The following NIPBL variants were observed in gnomAD, a reference collection of about 807,000 sequenced individuals.
The protein encoded by NIPBL is nipped-B-like protein.
A neutral mutation model predicts 321.8 loss-of-function variants in NIPBL; 19 were observed. The ratio of observed to expected loss-of-function variants is 0.06; its 90% CI spans 0.04 to 0.09. The LOEUF (loss-of-function observed/expected upper bound fraction) is 0.09, where lower values mean the gene tolerates loss of function less well. Ranked by LOEUF, NIPBL falls within the 10% of genes least tolerant of loss-of-function variation. The probability of loss-of-function intolerance (pLI) is 1.00; values close to 1 mark genes in which losing one functional copy is unlikely to be tolerated. For missense variants in NIPBL, 2,210 were observed against 3,327.0 expected (o/e 0.66, Z 8.26); for synonymous variants, 1,106 against 1,114.1 (o/e 0.99, Z 0.14).
At chr5:36,975,525 A>G (rs752664063) in intron 8 of NIPBL, among the ~76,000 whole-genome samples, 1 of 152,110 alleles carries the variant, frequency 6.6e-6, no homozygotes, top group African/African-American at 2.4e-5. Context: ...TAGAAATAAT[A>G]CTGGTCTGAA....
At chr5:37,003,901 T>C (rs1482134582) in intron 16 of NIPBL, among the ~76,000 whole-genome samples, 6 of 152,216 alleles carry the variant, frequency 3.9e-5, no homozygotes, top group Non-Finnish European at 7.4e-5. Flanking sequence ...TAGTTTATGC[T>C]CTTCCTTATG....
rs749926228 is a variant in NIPBL at position 36,986,106 on chromosome 5, A to G, written c.2926A>G (p.Met976Val). The G allele has an allele frequency of 2.2e-5, 35 of 1,613,976 alleles. No individual in the cohort carries two copies. Among genetic ancestry groups the G allele is most frequent in the Admixed American group, 6.7e-5 (4 of 59,966 alleles). ...DGNVTQETKK[M>V]EMKGEPKDKV... ...CAATGTTACTCAGGAGACAAAGAAA[A>G]TGGAAATGAAAGGAGAGCCGAAAGA... Residue 976 changes from methionine (M) to valine (V), a missense_variant, in exon 10 of 47, where the codon ATG becomes GTG. Physicochemically the swap from Met to Val is conservative, Grantham distance 21 (BLOSUM62 1). Around this residue, in one of 14 missense-constraint regions of NIPBL, gnomAD observed 588 missense variants for 564.1 expected, o/e 1.04. Transcript: ENST00000282516.
intron 10 of NIPBL, among the ~76,000 whole-genome samples, chr5:36,994,315 A>T (rs1745885237): frequency 6.6e-6 from 1 of 152,166 alleles, no homozygotes; most frequent in Admixed American, 6.5e-5. Context: ...GCATGTCCTT[A>T]GAAGAACAGA....
chr5:36,948,576 T>A (rs1739939594), intron 1 of NIPBL, among the ~76,000 whole-genome samples: 1 of 151,906 alleles, frequency 6.6e-6, no homozygotes, highest in African/African-American at 2.4e-5. Flanking sequence ...TTTAGTGTAT[T>A]CAAAGATGGA....
rs1398503267 is a variant in NIPBL, at chr5:36,985,993, A to G, written c.2813A>G (p.Lys938Arg). The G allele has an allele frequency of 1.2e-6, 2 of 1,614,020 alleles. No individual in the cohort carries two copies. Among genetic ancestry groups the G allele is most frequent in the Admixed American group, 1.7e-5 (1 of 59,970 alleles). Residue 938 changes from lysine to arginine, a missense_variant, in exon 10 of 47, where the codon AAG becomes AGG. By Grantham distance (26) the Lys-to-Arg change is conservative. Transcript: ENST00000282516. ...ACTAATAAAGCACACCCTGACAATA[A>G]GGCAGAATTTCCAAGTTATTTGTTG... ...VDTNKAHPDN[K>R]AEFPSYLLGG...
intron 1 of NIPBL, among the ~76,000 whole-genome samples, chr5:36,920,103 CAG>C (rs1748813264): frequency 6.6e-6 from 1 of 151,664 alleles, no homozygotes; most frequent in African/African-American, 2.4e-5. Context: ...ATATGAATAT[CAG>C]AGAAATATAA....
intron 8 of NIPBL, among the ~76,000 whole-genome samples, chr5:36,973,536 C>T (rs778780715): frequency 3.3e-5 from 5 of 151,922 alleles, no homozygotes; most frequent in South Asian, 2.1e-4. Context: ...GGCATGATCT[C>T]GGCTCACTGC....
At chr5:36,973,282 T>C (rs1257152172) in intron 8 of NIPBL, among the ~76,000 whole-genome samples, 2 of 152,102 alleles carry the variant, frequency 1.3e-5, no homozygotes, top group African/African-American at 2.4e-5. Flanking sequence ...AAGATCTTTT[T>C]TTCACTGATT....
At chr5:36,972,445 A>C (rs912783835) in intron 8 of NIPBL, among the ~76,000 whole-genome samples, 2 of 151,702 alleles carry the variant, frequency 1.3e-5, no homozygotes, top group Non-Finnish European at 2.9e-5. Context: ...TTTCTTCATT[A>C]GCTCCTCTCC....
intron 31 of NIPBL, 105 bp from the exon 32 acceptor site, chr5:37,027,254 G>T: frequency 3.3e-6 from 3 of 898,156 alleles, no homozygotes; most frequent in South Asian, 1.4e-5. Flanking sequence ...ATAAACTTTT[G>T]AATTGAGAAA....
intron 1 of NIPBL, among the ~76,000 whole-genome samples, chr5:36,928,098 TGTG>T (rs1749503333): frequency 6.6e-6 from 1 of 152,204 alleles, no homozygotes; most frequent in South Asian, 2.1e-4. Flanking sequence ...ACTTTGAATG[TGTG>T]GTCTTGAACA....
At chr5:36,912,077 A>G (rs1453831308) in intron 1 of NIPBL, among the ~76,000 whole-genome samples, 2 of 152,216 alleles carry the variant, frequency 1.3e-5, no homozygotes, top group African/African-American at 4.8e-5. Context: ...GAAGATGGGA[A>G]CCCAATTAGG....
At chr5:36,936,888 G>A (rs1453384504) in intron 1 of NIPBL, among the ~76,000 whole-genome samples, 1 of 151,436 alleles carries the variant, frequency 6.6e-6, no homozygotes, top group Non-Finnish European at 1.5e-5. Context: ...CTGGCACATA[G>A]TAGATATAAT....
chr5:36,885,766 C>T, intron 1 of NIPBL: 2 of 617,568 alleles, frequency 3.2e-6, no homozygotes, highest in South Asian at 1.5e-5. Flanking sequence ...TCTGCAAGGT[C>T]ATTGATGACA....
intron 1 of NIPBL, among the ~76,000 whole-genome samples, chr5:36,903,807 C>T (rs1747418159): frequency 6.6e-6 from 1 of 152,170 alleles, no homozygotes; most frequent in Non-Finnish European, 1.5e-5. Context: ...GGAGATACTA[C>T]ACCATCCAAA....
At position 36,976,076 on chromosome 5, in the gene NIPBL, T is replaced by C. The variant is rs747144008; in HGVS notation, c.1169T>C (p.Ile390Thr). ...VENSNVSEND[I>T]PFNVQYPGQT... is the part of the protein sequence containing the mutation. Reference sequence around the variant, plus strand: ...AATAGCAATGTTTCAGAAAATGATATTCCTTTTAATGTGCAGTACCCAGGA... The same window carrying C: ...AATAGCAATGTTTCAGAAAATGATACTCCTTTTAATGTGCAGTACCCAGGA... Residue 390 changes from isoleucine (I) to threonine (T), a missense_variant, in exon 9 of 47, where the codon ATT becomes ACT. Ile to Thr is a moderately conservative substitution (Grantham distance 89). Coordinates refer to ENST00000282516, the MANE Select transcript of NIPBL (RefSeq NM_133433.4). 2.3e-5 allele frequency: 37 copies of C among 1,613,980 alleles called. No homozygotes were observed. The highest frequency in any genetic ancestry group is 4.5e-5 in the East Asian group (2 of 44,872).
intron 1 of NIPBL, among the ~76,000 whole-genome samples, chr5:36,898,612 A>G (rs1297719505): frequency 4.0e-5 from 6 of 151,820 alleles, no homozygotes; most frequent in Non-Finnish European, 8.8e-5. Flanking sequence ...CCCAGGTTCA[A>G]GTGATTCTCC....
At chr5:36,914,002 C>A (rs146103626) in intron 1 of NIPBL, among the ~76,000 whole-genome samples, 26 of 152,308 alleles carry the variant, frequency 1.7e-4, no homozygotes, top group African/African-American at 5.5e-4. Context: ...TAGATCTACT[C>A]CATACAGTAG....
At position 37,007,405 on chromosome 5, in the gene NIPBL, T is replaced by A. The variant is rs1279145652; in HGVS notation, c.4170T>A (p.Val1390=). 1 of 1,609,926 alleles carries A rather than the reference T, an allele frequency of 6.2e-7. No individual in the cohort carries two copies. Among genetic ancestry groups the A allele is most frequent in the Non-Finnish European group, 8.5e-7 (1 of 1,176,662 alleles). The change falls in exon 18 of 47, where the codon GTT becomes GTA. Residue 1390 remains valine, a synonymous_variant. Coordinates refer to ENST00000282516, the MANE Select transcript of NIPBL (RefSeq NM_133433.4). ...QRVIVMLYNK[V]CDIVSSLSEL... ...TAATAGTAATGCTTTATAACAAAGT[T>A]TGTGACATTGTTAGCAGCTTATCAG...
Sources: gnomAD v4.1 joint callset for allele counts (sites outside exome capture counted in the v4.1 genomes callset) on GRCh38, gnomAD v4.1.1 for gene constraint, gnomAD v4.1.1 regional missense constraint, MANE v1.5 for transcripts, NCBI Gene and HGNC (gene_info 2026-07-23, HGNC 2026-07-21) for gene names.